PRKCE: variants seen among roughly 807,000 people sequenced by gnomAD.
PRKCE encodes protein kinase C epsilon type.
Under a neutral mutation model 85.4 loss-of-function variants are expected in PRKCE, and 16 were observed. The ratio of observed to expected loss-of-function variants is 0.19; its 90% CI spans 0.13 to 0.28. The LOEUF is 0.28. Ranked by LOEUF, PRKCE falls within the 10% of genes least tolerant of loss-of-function variation. PRKCE has a pLI of 1.00. For missense variants in PRKCE, 573 were observed against 975.2 expected, an observed-to-expected ratio of 0.59 and a Z score of 5.49; for synonymous variants, 388 against 371.5, an observed-to-expected ratio of 1.04 and a Z score of -0.51.
chr2:45,744,401 CTCTTTCTTTTCTTT>C (rs1682854850), intron 1 of PRKCE, among the ~76,000 whole-genome samples: 1 of 151,154 alleles, frequency 6.6e-6, no homozygotes, highest in Admixed American at 6.6e-5. Flanking sequence ...TGGTCTTTCT[CTCTTTCTTTTCTTT>C]TCTTTCTTTC....
At chr2:45,936,560 T>C (rs1057067881) in intron 2 of PRKCE, among the ~76,000 whole-genome samples, 1 of 152,148 alleles carries the variant, frequency 6.6e-6, no homozygotes, top group Non-Finnish European at 1.5e-5. Context: ...CATTGACTAG[T>C]GTGCCCCCGT....
At chr2:45,928,890 C>G (rs914391003) in intron 2 of PRKCE, among the ~76,000 whole-genome samples, 2 of 152,128 alleles carry the variant, frequency 1.3e-5, no homozygotes, top group African/African-American at 4.8e-5. Context: ...GCCTTTTGTA[C>G]CCCGAGGCTG....
intron 12 of PRKCE, among the ~76,000 whole-genome samples, chr2:46,148,701 C>T (rs190126770): frequency 5.9e-5 from 9 of 152,354 alleles, no homozygotes; most frequent in Admixed American, 5.9e-4. Context: ...GTTACAGCTC[C>T]TACCCTCTGG....
At chr2:46,177,151 C>G (rs528918322) in intron 14 of PRKCE, among the ~76,000 whole-genome samples, 1 of 152,136 alleles carries the variant, frequency 6.6e-6, no homozygotes, top group Non-Finnish European at 1.5e-5. Context: ...TATGGTAGCT[C>G]ACACCTGTAA....
chr2:46,062,240 T>C (rs1027111741), intron 10 of PRKCE, among the ~76,000 whole-genome samples: 9 of 152,224 alleles, frequency 5.9e-5, no homozygotes, highest in African/African-American at 2.2e-4. Flanking sequence ...TGGGAATGAA[T>C]ACGATAGACA....
At chr2:45,873,517 T>G (rs1694254265) in intron 2 of PRKCE, among the ~76,000 whole-genome samples, 1 of 151,274 alleles carries the variant, frequency 6.6e-6, no homozygotes, top group Non-Finnish European at 1.5e-5. Flanking sequence ...GGTTGAGAGG[T>G]ATGGCCCCAG....
intron 2 of PRKCE, among the ~76,000 whole-genome samples, chr2:45,906,203 TG>T (rs1696962664): frequency 6.6e-6 from 1 of 152,252 alleles, no homozygotes; most frequent in African/African-American, 2.4e-5. Flanking sequence ...CCTGGCCTAC[TG>T]GGCATCTTCT....
In PRKCE at chr2:45,872,819, G is replaced by A. The variant is rs576532502; in HGVS notation, c.412+29756G>A. Among the ~76,000 whole-genome samples, 277 of 152,312 alleles carry A rather than the reference G, an allele frequency of 1.8e-3. 2 individuals are homozygous for A. The highest frequency in any genetic ancestry group is 2.2e-3 in the Non-Finnish European group (151 of 68,024). ...TGTCTAGGAGATATCCAGATGTCTGGATAAATGGCTGTGGTGTTGGGGTGG... is the reference window on the plus strand; with the variant it reads ...TGTCTAGGAGATATCCAGATGTCTGAATAAATGGCTGTGGTGTTGGGGTGG... On this transcript the variant is annotated intron_variant, in intron 2 of 14. Transcript: ENST00000306156.
intron 1 of PRKCE, among the ~76,000 whole-genome samples, chr2:45,828,839 C>A (rs1690170355): frequency 6.6e-6 from 1 of 151,968 alleles, no homozygotes; most frequent in Non-Finnish European, 1.5e-5. Context: ...ACTATAGATA[C>A]TTAAAAAGAA....
chr2:45,680,483 T>C (rs1028781948), intron 1 of PRKCE, among the ~76,000 whole-genome samples: 1 of 152,240 alleles, frequency 6.6e-6, no homozygotes, highest in African/African-American at 2.4e-5. Flanking sequence ...TCTTTAACTG[T>C]TAGTTTTATG....
chr2:45,658,311 G>A (rs1675477546), intron 1 of PRKCE, among the ~76,000 whole-genome samples: 1 of 152,204 alleles, frequency 6.6e-6, no homozygotes, highest in African/African-American at 2.4e-5. Context: ...TTGGCCCAGT[G>A]CTATCACAGA....
chr2:46,114,354 G>A (rs1237739006), intron 11 of PRKCE, among the ~76,000 whole-genome samples: 1 of 150,864 alleles, frequency 6.6e-6, no homozygotes, highest in Non-Finnish European at 1.5e-5. Flanking sequence ...CAGAGATTGG[G>A]CATTGCCTGA....
chr2:45,763,065 C>T (rs1009618529), intron 1 of PRKCE, among the ~76,000 whole-genome samples: 1 of 152,072 alleles, frequency 6.6e-6, no homozygotes, highest in Non-Finnish European at 1.5e-5. Flanking sequence ...CATTCTCCTG[C>T]CTCATCAGCC....
At chr2:45,834,122 G>A (rs759157324) in intron 1 of PRKCE, among the ~76,000 whole-genome samples, 1 of 152,232 alleles carries the variant, frequency 6.6e-6, no homozygotes, top group Non-Finnish European at 1.5e-5. Flanking sequence ...GTGCTAACTT[G>A]AGCCTACTCC....
At chr2:45,989,006 C>T (rs1309873213) in intron 6 of PRKCE, among the ~76,000 whole-genome samples, 2 of 152,192 alleles carry the variant, frequency 1.3e-5, no homozygotes, top group African/African-American at 2.4e-5. Context: ...CAGTTCTCAC[C>T]TGCCCCCGTC....
chr2:45,844,273 A>G (rs1691596875), intron 2 of PRKCE, among the ~76,000 whole-genome samples: 1 of 152,224 alleles, frequency 6.6e-6, no homozygotes, highest in African/African-American at 2.4e-5. Flanking sequence ...TATTTGGCAT[A>G]GGTTTAAAAC....
chr2:45,760,520 A>G (rs906272131), intron 1 of PRKCE, among the ~76,000 whole-genome samples: 1 of 152,260 alleles, frequency 6.6e-6, no homozygotes, highest in African/African-American at 2.4e-5. Flanking sequence ...GTCCATCGAC[A>G]ACAAAAGCCT....
At chr2:45,669,918 C>G (rs986985474) in intron 1 of PRKCE, among the ~76,000 whole-genome samples, 5 of 152,042 alleles carry the variant, frequency 3.3e-5, no homozygotes, top group Non-Finnish European at 5.9e-5. Flanking sequence ...GGCTGAGGCA[C>G]GAGAATCACT....
intron 1 of PRKCE, among the ~76,000 whole-genome samples, chr2:45,664,494 A>G (rs1371961881): frequency 6.6e-6 from 1 of 152,208 alleles, no homozygotes; most frequent in Non-Finnish European, 1.5e-5. Context: ...ATTAGTAATA[A>G]CCAACTGAAG....
Sources: allele counts gnomAD v4.1 joint callset (sites outside exome capture counted in the v4.1 genomes callset), GRCh38; gene constraint gnomAD v4.1.1; transcripts MANE v1.5; gene names NCBI Gene and HGNC (gene_info 2026-07-23, HGNC 2026-07-21).